Variants in SLC4A4 observed in about 807,000 individuals in gnomAD.
SLC4A4 encodes the protein electrogenic sodium bicarbonate cotransporter 1.
In SLC4A4, 27 loss-of-function variants were observed where a neutral mutation model predicts 111.5. The ratio of observed to expected loss-of-function variants is 0.24; its 90% CI spans 0.18 to 0.33. SLC4A4 has a LOEUF of 0.33. Among genes scored for constraint, SLC4A4 ranks in the 10% least tolerant of loss-of-function variants. The probability of loss-of-function intolerance (pLI) is 1.00; values close to 1 mark genes in which losing one functional copy is unlikely to be tolerated. For missense variants in SLC4A4, 909 were observed against 1,315.5 expected, an observed-to-expected ratio of 0.69 and a Z score of 4.78; for synonymous variants, 443 against 463.4, an observed-to-expected ratio of 0.96 and a Z score of 0.57.
intron 2 of SLC4A4, among the ~76,000 whole-genome samples, chr4:71,127,034 C>A (rs539773998): frequency 1.3e-5 from 2 of 152,204 alleles, no homozygotes; most frequent in African/African-American, 4.8e-5. Context: ...ATATATCCCA[C>A]TAAACCCAAA....
chr4:71,127,099 G>A (rs190854163), intron 2 of SLC4A4, among the ~76,000 whole-genome samples: 2 of 152,288 alleles, frequency 1.3e-5, no homozygotes, highest in South Asian at 2.1e-4. Flanking sequence ...AATGCTTTCA[G>A]CCACTTATAT....
intron 16 of SLC4A4, among the ~76,000 whole-genome samples, chr4:71,503,072 A>G (rs986367031): frequency 1.3e-5 from 2 of 152,092 alleles, no homozygotes; most frequent in African/African-American, 2.4e-5. Context: ...TTATTATATA[A>G]TGACCTTCTT....
intron 5 of SLC4A4, among the ~76,000 whole-genome samples, chr4:71,351,109 G>A (rs1349289266): frequency 1.3e-5 from 2 of 152,186 alleles, no homozygotes; most frequent in African/African-American, 2.4e-5. Flanking sequence ...AGCATTCAAC[G>A]CACAAAGTAC....
intron 3 of SLC4A4, among the ~76,000 whole-genome samples, chr4:71,323,460 T>C (rs2148869343): frequency 6.6e-6 from 1 of 152,082 alleles, no homozygotes; most frequent in Middle Eastern, 3.4e-3. Flanking sequence ...GGGAAAGTAA[T>C]TTGATCTGAA....
At chr4:71,470,664 T>C (rs1238136105) in intron 13 of SLC4A4, among the ~76,000 whole-genome samples, 7 of 151,982 alleles carry the variant, frequency 4.6e-5, no homozygotes, top group Non-Finnish European at 7.4e-5. Flanking sequence ...ACCCATAAAA[T>C]GTGAGTGTGT....
chr4:71,316,774 A>G (rs930386777), intron 3 of SLC4A4, among the ~76,000 whole-genome samples: 8 of 151,928 alleles, frequency 5.3e-5, no homozygotes, highest in African/African-American at 1.9e-4. Context: ...CTCATTGTTC[A>G]GCTCCTTCTT....
chr4:71,271,380 A>G (rs1012562722), intron 3 of SLC4A4, among the ~76,000 whole-genome samples: 1 of 152,236 alleles, frequency 6.6e-6, no homozygotes, highest in African/African-American at 2.4e-5. Flanking sequence ...ACCTACAGTG[A>G]TATCTTCTCC....
At chr4:71,532,242 T>A (rs1448685030) in intron 17 of SLC4A4, 67 bp downstream of exon 17, 9 of 987,562 alleles carry the variant, frequency 9.1e-6, no homozygotes, top group Non-Finnish European at 1.5e-5. Flanking sequence ...TATTCTAATT[T>A]ATTGTGTTTC....
At chr4:71,277,125 G>A (rs1723128516) in intron 3 of SLC4A4, among the ~76,000 whole-genome samples, 1 of 152,156 alleles carries the variant, frequency 6.6e-6, no homozygotes, top group South Asian at 2.1e-4. Flanking sequence ...CTTTTGAATG[G>A]ACATTAGTTT....
intron 7 of SLC4A4, among the ~76,000 whole-genome samples, chr4:71,427,879 T>C (rs912883589): frequency 2.0e-5 from 3 of 152,152 alleles, no homozygotes; most frequent in African/African-American, 4.8e-5. Context: ...GTTGGGCCTA[T>C]GAAACAGACT....
intron 3 of SLC4A4, among the ~76,000 whole-genome samples, chr4:71,311,922 A>G (rs1726219162): frequency 6.6e-6 from 1 of 150,932 alleles, no homozygotes; most frequent in African/African-American, 2.4e-5. Context: ...AGAGAGAGAG[A>G]GAGAGAGAGA....
chr4:71,290,183 G>A (rs146875637), intron 3 of SLC4A4, among the ~76,000 whole-genome samples: 185 of 152,244 alleles, frequency 1.2e-3, no homozygotes, highest in African/African-American at 4.0e-3. Flanking sequence ...CAGTTTGAGA[G>A]CTCAAGTCTT....
At chr4:71,334,370 C>T (rs1728259155) in intron 3 of SLC4A4, among the ~76,000 whole-genome samples, 1 of 152,036 alleles carries the variant, frequency 6.6e-6, no homozygotes, top group Non-Finnish European at 1.5e-5. Context: ...CCTACTGTGG[C>T]TAAGCTGGTA....
chr4:71,175,633 G>A (rs1745067988), intron 2 of SLC4A4, among the ~76,000 whole-genome samples: 1 of 152,224 alleles, frequency 6.6e-6, no homozygotes, highest in Non-Finnish European at 1.5e-5. Flanking sequence ...GCTGGGGGAG[G>A]GGCGTCTGCC....
intron 20 of SLC4A4, 29 bp downstream of exon 20, chr4:71,547,749 T>A (rs1560609859): frequency 1.3e-6 from 2 of 1,537,342 alleles, no homozygotes; most frequent in East Asian, 4.5e-5. Flanking sequence ...CACCTCTTCC[T>A]TCTCAGAACA....
chr4:71,433,565 T>A (rs1184670877), intron 7 of SLC4A4, among the ~76,000 whole-genome samples: 1 of 152,142 alleles, frequency 6.6e-6, no homozygotes, highest in Non-Finnish European at 1.5e-5. Context: ...TGCAAAAATT[T>A]TCTCCCATTC....
intron 2 of SLC4A4, among the ~76,000 whole-genome samples, chr4:71,160,216 C>T (rs1303035958): frequency 6.6e-6 from 1 of 152,172 alleles, no homozygotes; most frequent in East Asian, 1.9e-4. Context: ...TCTATAGTTA[C>T]TAATCTTACT....
At chr4:71,153,463 T>A (rs1744371183) in intron 2 of SLC4A4, among the ~76,000 whole-genome samples, 3 of 152,176 alleles carry the variant, frequency 2.0e-5, no homozygotes, top group Admixed American at 6.5e-5. Flanking sequence ...AAGACAGACC[T>A]GGTTTTGAAA....
chr4:71,156,672 A>G (rs565570290), intron 2 of SLC4A4, among the ~76,000 whole-genome samples: 1 of 152,018 alleles, frequency 6.6e-6, no homozygotes, highest in African/African-American at 2.4e-5. Context: ...AAGAGATGTA[A>G]CAGGGGATGA....
Sources: allele counts gnomAD v4.1 joint callset (sites outside exome capture counted in the v4.1 genomes callset), GRCh38; gene constraint gnomAD v4.1.1; transcripts MANE v1.5; gene names NCBI Gene and HGNC (gene_info 2026-07-23, HGNC 2026-07-21).